FGF2: variants seen among roughly 807,000 people sequenced by gnomAD.
FGF2 encodes basic fibroblast growth factor bFGF.
Under a neutral mutation model 15.9 loss-of-function variants are expected in FGF2, and 13 were observed. The ratio of observed to expected loss-of-function variants is 0.82; its 90% CI spans 0.53 to 1.30. The LOEUF (loss-of-function observed/expected upper bound fraction) is 1.30. Ranked by LOEUF, FGF2 falls within the 50% of genes most tolerant of loss-of-function variation. FGF2 has a pLI of 0.00. For missense variants in FGF2, 163 were observed against 196.9 expected (o/e 0.83, Z 1.03); for synonymous variants, 90 against 78.4 (o/e 1.15, Z -0.78).
At chr4:122,830,031 C>T (rs1387740848) in intron 1 of FGF2, among the ~76,000 whole-genome samples, 1 of 152,218 alleles carries the variant, frequency 6.6e-6, no homozygotes, top group Non-Finnish European at 1.5e-5. Context: ...AATCTATGGT[C>T]TCATTCCTCA....
chr4:122,865,339 G>T (rs1292365374), intron 1 of FGF2, among the ~76,000 whole-genome samples: 1 of 152,106 alleles, frequency 6.6e-6, no homozygotes, highest in African/African-American at 2.4e-5. Context: ...CATCCAGGCT[G>T]GAGTGCATTC....
chr4:122,892,957 C>T lies in FGF2; in HGVS notation c.*561C>T. On this transcript the variant is annotated 3_prime_UTR_variant, in exon 3 of 3. Coordinates refer to ENST00000644866, the MANE Select transcript of FGF2 (RefSeq NM_001361665.2). ...CAATTTTGTCAAACCCTTCTCTGTA[C>T]CCATACAGCAGCAGCCTAGCAACTC... 6.2e-7 allele frequency: 1 copy of T among 1,614,166 alleles called. No homozygotes were observed. Among genetic ancestry groups the T allele is most frequent in the African/African-American group, 1.3e-5 (1 of 75,042 alleles).
intron 1 of FGF2, among the ~76,000 whole-genome samples, chr4:122,833,670 C>G (rs1478755382): frequency 1.3e-5 from 2 of 151,918 alleles, no homozygotes; most frequent in East Asian, 3.9e-4. Flanking sequence ...TAAATGTCAG[C>G]TGATGAGGAA....
chr4:122,839,227 G>T (rs752778114), intron 1 of FGF2, among the ~76,000 whole-genome samples: 1 of 152,140 alleles, frequency 6.6e-6, no homozygotes. Context: ...CATTGAAAAG[G>T]TACAGTAAAA....
chr4:122,865,021 T>C (rs768979796), intron 1 of FGF2, among the ~76,000 whole-genome samples: 28 of 152,224 alleles, frequency 1.8e-4, no homozygotes, highest in Non-Finnish European at 3.2e-4. Context: ...TGGTAACCCT[T>C]TGGGATTGTT....
intron 1 of FGF2, among the ~76,000 whole-genome samples, chr4:122,864,633 C>G (rs997987012): frequency 1.3e-5 from 2 of 152,184 alleles, no homozygotes; most frequent in Non-Finnish European, 2.9e-5. Flanking sequence ...GAGAAATTCT[C>G]TCTTTTTCCT....
chr4:122,830,180 TA>T (rs1725731728), intron 1 of FGF2, among the ~76,000 whole-genome samples: 1 of 152,216 alleles, frequency 6.6e-6, no homozygotes, highest in Non-Finnish European at 1.5e-5. Flanking sequence ...TTTTAACATT[TA>T]GTATGGATTA....
chr4:122,826,791 G>A (rs1725636377), upstream of FGF2: 4 of 1,405,012 alleles, frequency 2.8e-6, no homozygotes, highest in East Asian at 3.0e-5. Flanking sequence ...GGGTGTGGGG[G>A]GTGGAGATGT....
intron 2 of FGF2, among the ~76,000 whole-genome samples, chr4:122,890,768 TATAGAA>T (rs1425920475): frequency 6.6e-6 from 1 of 152,196 alleles, no homozygotes; most frequent in African/African-American, 2.4e-5. Context: ...GATATGAGTA[TATAGAA>T]ATAAACTGGA....
At chr4:122,849,134 CA>C (rs1726174868) in intron 1 of FGF2, among the ~76,000 whole-genome samples, 1 of 152,186 alleles carries the variant, frequency 6.6e-6, no homozygotes, top group South Asian at 2.1e-4. Context: ...GACATTTTAA[CA>C]TGCAGCAAAA....
chr4:122,886,036 G>T (rs1331378540), intron 2 of FGF2, among the ~76,000 whole-genome samples: 1 of 147,696 alleles, frequency 6.8e-6, no homozygotes, highest in African/African-American at 2.5e-5. Flanking sequence ...CTCCTACCTT[G>T]GCCTCCCAAG....
chr4:122,835,960 T>C (rs922020024), intron 1 of FGF2, among the ~76,000 whole-genome samples: 4 of 152,172 alleles, frequency 2.6e-5, no homozygotes, highest in Non-Finnish European at 4.4e-5. Flanking sequence ...TCACAACTCC[T>C]CCCATCCTCA....
chr4:122,888,292 A>G (rs751633693), intron 2 of FGF2, among the ~76,000 whole-genome samples: 1 of 152,164 alleles, frequency 6.6e-6, no homozygotes, highest in Non-Finnish European at 1.5e-5. Context: ...TTCTACTGCT[A>G]CCTCCATGAT....
intron 1 of FGF2, among the ~76,000 whole-genome samples, chr4:122,830,816 C>CAAAA (rs35597051): frequency 0.089 from 8,261 of 92,652 alleles, 766 homozygotes; most frequent in Non-Finnish European, 0.12. Flanking sequence ...CTCTTATTTA[C>CAAAA]AAAAAAAAAA....
intron 1 of FGF2, among the ~76,000 whole-genome samples, chr4:122,835,782 T>C (rs1725854155): frequency 6.6e-6 from 1 of 152,174 alleles, no homozygotes; most frequent in Non-Finnish European, 1.5e-5. Context: ...AAACATGACC[T>C]ACCTTATTTC....
chr4:122,834,986 T>C (rs1055762496), intron 1 of FGF2, among the ~76,000 whole-genome samples: 1 of 152,228 alleles, frequency 6.6e-6, no homozygotes, highest in Non-Finnish European at 1.5e-5. Flanking sequence ...TGGCTCCAGC[T>C]GGACCTGCTA....
At chr4:122,885,913 C>CTT (rs11310783) in intron 2 of FGF2, among the ~76,000 whole-genome samples, 2,154 of 84,330 alleles carry the variant, frequency 0.026, 42 homozygotes, top group Non-Finnish European at 0.033. Context: ...TTTTTTTTTC[C>CTT]TTTTTTTTTT....
Position 122,891,021 on chromosome 4 carries a change from C to CTT in FGF2, c.283-1177_283-1176dup, listed in dbSNP as rs769084285. On this transcript the variant is annotated intron_variant, in intron 2 of 2. Transcript: ENST00000644866. ...TGAAGTTGCTTTTTGAACAATTTAT[C>CTT]TTTTTTTTTTTTTTGTTTTGTTTTG... Among the ~76,000 whole-genome samples, 297 of 94,702 alleles carry CTT rather than the reference C, an allele frequency of 3.1e-3. 4 individuals are homozygous for CTT. The highest frequency in any genetic ancestry group is 0.011 in the Middle Eastern group (2 of 190). The allele number at this position is 94,702 out of a possible 152,430, so 62.1% of individuals were successfully genotyped here. A position where few individuals can be genotyped will look rare whatever the true frequency, so the allele number is the denominator to read the frequency against.
intron 1 of FGF2, among the ~76,000 whole-genome samples, chr4:122,852,397 G>C (rs1726253128): frequency 6.6e-6 from 1 of 152,234 alleles, no homozygotes; most frequent in Non-Finnish European, 1.5e-5. Flanking sequence ...GGTTCCAAGA[G>C]AGCAAGCTCC....
Sources: allele counts gnomAD v4.1 joint callset (sites outside exome capture counted in the v4.1 genomes callset), GRCh38; gene constraint gnomAD v4.1.1; transcripts MANE v1.5; gene names NCBI Gene and HGNC (gene_info 2026-07-23, HGNC 2026-07-21).